The following MBNL1 variants were observed in gnomAD, a reference collection of about 807,000 sequenced individuals.
MBNL1 encodes muscleblind like splicing regulator 1.
A neutral mutation model predicts 42.2 loss-of-function variants in MBNL1; 8 were observed. The ratio of observed to expected loss-of-function variants is 0.19; its 90% CI spans 0.11 to 0.34. The LOEUF (loss-of-function observed/expected upper bound fraction) is 0.34, where lower values mean the gene tolerates loss of function less well. MBNL1 is among the 10% of genes least tolerant of loss of function. MBNL1 has a pLI of 1.00. For missense variants in MBNL1, 309 were observed against 495.3 expected (o/e 0.62, Z 3.57); for synonymous variants, 169 against 173.9 (o/e 0.97, Z 0.22).
At chr3:152,265,387 AGTGTGTGTGTGTGTGTGTGT>A (rs10664067), upstream of MBNL1, 5 of 145,188 alleles carry the variant, frequency 3.4e-5, no homozygotes, top group African/African-American at 1.3e-4. Context: ...TTTGTGTGAG[AGTGTGTGTGTGTGTGTGTGT>A]GTGTGTGTGT....
At chr3:152,420,078 G>A (rs2098778114) in intron 3 of MBNL1, among the ~76,000 whole-genome samples, 1 of 152,182 alleles carries the variant, frequency 6.6e-6, no homozygotes, top group Admixed American at 6.5e-5. Context: ...TCTGGGCAGG[G>A]CATCTCTGAA....
At chr3:152,357,827 G>A (rs1339074030) in intron 2 of MBNL1, among the ~76,000 whole-genome samples, 1 of 152,160 alleles carries the variant, frequency 6.6e-6, no homozygotes, top group Admixed American at 6.6e-5. Context: ...TTGAAGCAGG[G>A]AGCTGTGAAG....
At chr3:152,376,648 AT>A (rs200201719) in intron 2 of MBNL1, among the ~76,000 whole-genome samples, 10 of 151,412 alleles carry the variant, frequency 6.6e-5, no homozygotes, top group African/African-American at 1.2e-4. Flanking sequence ...TCTAAAGAAC[AT>A]TTTTTTTTGG....
chr3:152,305,122 T>A (rs1436520005), intron 2 of MBNL1, among the ~76,000 whole-genome samples: 1 of 152,220 alleles, frequency 6.6e-6, no homozygotes, highest in Non-Finnish European at 1.5e-5. Flanking sequence ...TTCATTGTAA[T>A]TCAGATGTCT....
chr3:152,375,633 G>A lies in MBNL1; in HGVS notation c.175-39308G>A, dbSNP rs969339219. 3.9e-5 allele frequency among the ~76,000 whole-genome samples: 6 copies of A among 152,108 alleles called. No individual in the cohort carries two copies. In the South Asian group the frequency reaches 8.3e-4, roughly 21 times the overall value. On this transcript the variant is annotated intron_variant, in intron 2 of 9. Transcript: ENST00000324210. ...TCAGCAATGAAACCAGTAAGCCCCA[G>A]GCTATTCTTCTCAATATCTACAAAC...
At chr3:152,277,636 A>T (rs1352724619) in intron 1 of MBNL1, among the ~76,000 whole-genome samples, 1 of 152,144 alleles carries the variant, frequency 6.6e-6, no homozygotes, top group Non-Finnish European at 1.5e-5. Context: ...TTATATTTCA[A>T]ATAGAATAGA....
At chr3:152,311,556 T>C (rs2066485119) in intron 2 of MBNL1, among the ~76,000 whole-genome samples, 1 of 152,204 alleles carries the variant, frequency 6.6e-6, no homozygotes, top group South Asian at 2.1e-4. Flanking sequence ...AGAAATTTTC[T>C]AGGACTAAAA....
In MBNL1 at chr3:152,462,746, A is replaced by G. The variant is rs758692431; in HGVS notation, c.*380A>G. The G allele has an allele frequency of 1.2e-4, 18 of 152,192 alleles. No individual in the cohort carries two copies. Among genetic ancestry groups the G allele is most frequent in the Non-Finnish European group, 2.4e-4 (16 of 68,010 alleles). 9.4% of individuals were successfully genotyped at this position (152,192 alleles called of 1,614,324 possible). A position where few individuals can be genotyped will look rare whatever the true frequency, so the allele number is the denominator to read the frequency against. ...TGGTGTAACCATGATTCTATTATGTATTGGTACGTCTGTAGACCAAGATAT... is the reference window on the plus strand; with the variant it reads ...TGGTGTAACCATGATTCTATTATGTGTTGGTACGTCTGTAGACCAAGATAT... On this transcript the variant is annotated 3_prime_UTR_variant, in exon 10 of 10. Transcript: ENST00000324210.
At chr3:152,404,375 G>A (rs1188112287) in intron 2 of MBNL1, among the ~76,000 whole-genome samples, 1 of 152,082 alleles carries the variant, frequency 6.6e-6, no homozygotes, top group East Asian at 1.9e-4. Context: ...TATTGACATA[G>A]GTTGTTGGAA....
rs111259866 is a variant in MBNL1 at position 152,389,483 on chromosome 3, C to T, written c.175-25458C>T. ...CATTATGTAAACATCATAGAGTATA[C>T]GTGCACACACCTGGACGATATGGCC... On this transcript the variant is annotated intron_variant, in intron 2 of 9. Transcript: ENST00000324210. Among the ~76,000 whole-genome samples the T allele has an allele frequency of 8.2e-3, 1,255 of 152,234 alleles. 11 individuals are homozygous for T. Among genetic ancestry groups the T allele is most frequent in the Non-Finnish European group, 0.012 (832 of 68,010 alleles).
upstream of MBNL1, chr3:152,265,258 C>A (rs1368902669): frequency 1.3e-5 from 2 of 152,204 alleles, no homozygotes; most frequent in African/African-American, 2.4e-5. Context: ...AAGCACAGGA[C>A]ATGAGACTAG....
chr3:152,446,606 C>T, intron 5 of MBNL1: 1 of 851,810 alleles, frequency 1.2e-6, no homozygotes, highest in Non-Finnish European at 1.9e-6. Flanking sequence ...CAAAAATGCA[C>T]TGCTGCCCCC....
intron 2 of MBNL1, among the ~76,000 whole-genome samples, chr3:152,373,622 C>T (rs1032610116): frequency 6.6e-5 from 10 of 152,094 alleles, no homozygotes; most frequent in African/African-American, 9.7e-5. Flanking sequence ...TGCTTTGGCT[C>T]GTGCTCTGTG....
At chr3:152,363,481 T>A (rs2153170844) in intron 2 of MBNL1, among the ~76,000 whole-genome samples, 1 of 152,304 alleles carries the variant, frequency 6.6e-6, no homozygotes, top group South Asian at 2.1e-4. Flanking sequence ...GAAGACCAAG[T>A]TTCTGAGAAG....
rs1309830980 is a variant in MBNL1, at chr3:152,462,607, A to G, written c.*241A>G. On this transcript the variant is annotated 3_prime_UTR_variant, in exon 10 of 10. Transcript: ENST00000324210. ...TAATTGATATTTGTGCTGAGGTGATATTCCTGTCTAAAAGAACAACATTGT... is the reference window on the plus strand; with the variant it reads ...TAATTGATATTTGTGCTGAGGTGATGTTCCTGTCTAAAAGAACAACATTGT... The G allele has an allele frequency of 1.3e-5, 2 of 152,172 alleles. No homozygotes were observed. The highest frequency in any genetic ancestry group is 2.1e-4 in the South Asian group (1 of 4,830). The allele number at this position is 152,172 out of a possible 1,614,324, so 9.4% of individuals were successfully genotyped here.
At chr3:152,380,054 A>AT (rs2097114569) in intron 2 of MBNL1, among the ~76,000 whole-genome samples, 1 of 152,086 alleles carries the variant, frequency 6.6e-6, no homozygotes, top group African/African-American at 2.4e-5. Context: ...AGATATGAAG[A>AT]TTTTTATACC....
chr3:152,248,046 C>T (rs545912722), intron 2 of MBNL1, among the ~76,000 whole-genome samples: 16 of 151,408 alleles, frequency 1.1e-4, no homozygotes, highest in African/African-American at 3.9e-4. Flanking sequence ...ATTTTTCTCA[C>T]CTTGGGAAAA....
intron 2 of MBNL1, among the ~76,000 whole-genome samples, chr3:152,354,547 T>C (rs1002767682): frequency 2.0e-5 from 3 of 152,086 alleles, no homozygotes; most frequent in African/African-American, 7.2e-5. Context: ...GTATTTGGGG[T>C]CTCTTCATTT....
intron 3 of MBNL1, among the ~76,000 whole-genome samples, chr3:152,428,262 A>T (rs2098961691): frequency 6.6e-6 from 1 of 152,200 alleles, no homozygotes; most frequent in African/African-American, 2.4e-5. Context: ...TTTGTAGAAG[A>T]TCTGTATAGA....
Sources: allele counts gnomAD v4.1 joint callset (sites outside exome capture counted in the v4.1 genomes callset), GRCh38; gene constraint gnomAD v4.1.1; transcripts MANE v1.5; gene names NCBI Gene and HGNC (gene_info 2026-07-23, HGNC 2026-07-21).